Variants in APBB2 observed in about 807,000 individuals in gnomAD.
The protein encoded by APBB2 is amyloid beta precursor protein binding family B member 2, also known as Fe65-like 1.
Under a neutral mutation model 82.5 loss-of-function variants are expected in APBB2, and 38 were observed. The observed-to-expected ratio is 0.46, with a 90% CI of 0.36 to 0.60. The LOEUF (loss-of-function observed/expected upper bound fraction) is 0.60, where lower values mean the gene tolerates loss of function less well. Among genes scored for constraint, APBB2 ranks in the 20% least tolerant of loss-of-function variants. The probability of loss-of-function intolerance (pLI) is 0.00; values close to 1 mark genes in which losing one functional copy is unlikely to be tolerated. For synonymous variants in APBB2, 341 were observed against 368.2 expected (o/e 0.93, Z 0.85); for missense variants, 772 against 972.3 (o/e 0.79, Z 2.74).
intron 5 of APBB2, 125 bp downstream of exon 5, chr4:41,033,111 A>G: frequency 1.3e-6 from 1 of 759,088 alleles, no homozygotes; most frequent in Non-Finnish European, 2.2e-6. Flanking sequence ...ACATTAGTGA[A>G]GAACAATGAA....
intron 3 of APBB2, among the ~76,000 whole-genome samples, chr4:41,081,015 G>T (rs1459938524): frequency 6.6e-6 from 1 of 152,188 alleles, no homozygotes; most frequent in East Asian, 1.9e-4. Flanking sequence ...GCCTGTAAAT[G>T]CTACTTCAAA....
intron 12 of APBB2, among the ~76,000 whole-genome samples, chr4:40,847,400 T>G (rs1757987356): frequency 6.6e-6 from 1 of 152,186 alleles, no homozygotes; most frequent in Non-Finnish European, 1.5e-5. Flanking sequence ...AGGTGGAGGT[T>G]GCAGTGAGCT....
At chr4:41,142,791 G>A (rs1400594556) in intron 2 of APBB2, among the ~76,000 whole-genome samples, 196 bp downstream of exon 2, 2 of 152,108 alleles carry the variant, frequency 1.3e-5, no homozygotes, top group African/African-American at 4.8e-5. Flanking sequence ...AAAAGGAAGA[G>A]AAGGAAAGGA....
In APBB2 at chr4:40,934,535, A is replaced by G. The variant is rs1784938490; in HGVS notation, c.1194-19T>C. The G allele has an allele frequency of 2.6e-5, 42 of 1,614,048 alleles. No individual in the cohort carries two copies. The highest frequency in any genetic ancestry group is 3.6e-5 in the Non-Finnish European group (42 of 1,179,892). ...GGCATTTCTAGGCAGAAAAACAGAA[A>G]AGTGGACTTAGAATTCTATTGCAAA... On this transcript the variant is annotated intron_variant, in intron 9 of 17. Coordinates refer to ENST00000508593, the MANE Select transcript of APBB2 (RefSeq NM_004307.2).
At chr4:40,917,306 T>C (rs1410467880) in intron 10 of APBB2, among the ~76,000 whole-genome samples, 3 of 152,074 alleles carry the variant, frequency 2.0e-5, no homozygotes, top group African/African-American at 2.4e-5. Context: ...AGATTTCTTG[T>C]CTTCAGCTTG....
At chr4:41,030,864 AGAAGGCACTCCTGAGCTGAATCGT>A (rs368127948) in intron 5 of APBB2, among the ~76,000 whole-genome samples, 6,930 of 152,228 alleles carry the variant, frequency 0.046, 328 homozygotes, top group African/African-American at 0.12. Context: ...AGGCCTGCTC[AGAAGGCACTCCTGAGCTGAATCGT>A]GAAGGGCCAA....
intron 12 of APBB2, among the ~76,000 whole-genome samples, chr4:40,850,560 T>TC (rs1003336296): frequency 6.6e-6 from 1 of 151,960 alleles, no homozygotes; most frequent in Non-Finnish European, 1.5e-5. Flanking sequence ...CAAATTATGA[T>TC]CCCCCCAAAT....
At chr4:41,054,762 A>C (rs1727243423) in intron 4 of APBB2, among the ~76,000 whole-genome samples, 1 of 152,096 alleles carries the variant, frequency 6.6e-6, no homozygotes, top group African/African-American at 2.4e-5. Flanking sequence ...CTCTGATCAC[A>C]ACTTGACCAC....
At chr4:41,001,324 T>G (rs187306939) in intron 6 of APBB2, among the ~76,000 whole-genome samples, 33 of 152,286 alleles carry the variant, frequency 2.2e-4, no homozygotes, top group African/African-American at 7.9e-4. Flanking sequence ...AACCATCACA[T>G]ACACCATCAT....
chr4:40,905,096 A>G (rs1324199138), intron 10 of APBB2, among the ~76,000 whole-genome samples: 1 of 152,176 alleles, frequency 6.6e-6, no homozygotes, highest in Non-Finnish European at 1.5e-5. Flanking sequence ...GCCCTTCTAC[A>G]AAGAGGACGG....
chr4:41,078,795 G>T (rs957822379), intron 3 of APBB2, among the ~76,000 whole-genome samples: 8 of 152,148 alleles, frequency 5.3e-5, no homozygotes, highest in Non-Finnish European at 1.2e-4. Context: ...CCTTATGTCG[G>T]GAGAAGGACT....
intron 10 of APBB2, among the ~76,000 whole-genome samples, chr4:40,906,306 A>T (rs2154359813): frequency 6.6e-6 from 1 of 151,746 alleles, no homozygotes; most frequent in Admixed American, 6.6e-5. Context: ...AAATTTAAAA[A>T]TTAGCTGGGC....
Position 40,924,007 on chromosome 4 carries a change from T to C in APBB2, c.1254+10449A>G, listed in dbSNP as rs186526136. 1.8e-4 allele frequency among the ~76,000 whole-genome samples: 27 copies of C among 152,326 alleles called. No homozygotes were observed. The East Asian group carries it at 3.9e-3, about 22-fold the overall frequency. Reference sequence around the variant, plus strand: ...AATGAGCAGCCAAGGCCAATGGCAGTGAGTGTCTGCACCACTCAACGGAAA... The same window carrying C: ...AATGAGCAGCCAAGGCCAATGGCAGCGAGTGTCTGCACCACTCAACGGAAA... On this transcript the variant is annotated intron_variant, in intron 10 of 17. Transcript: ENST00000508593.
chr4:41,142,270 T>C (rs999237890), intron 2 of APBB2, among the ~76,000 whole-genome samples: 3 of 152,346 alleles, frequency 2.0e-5, no homozygotes, highest in Admixed American at 6.5e-5. Flanking sequence ...ATATATGTTT[T>C]CAAAATGAAT....
intron 12 of APBB2, among the ~76,000 whole-genome samples, chr4:40,866,336 C>T (rs148935975): frequency 6.6e-6 from 1 of 151,738 alleles, no homozygotes; most frequent in Admixed American, 6.6e-5. Context: ...TTGGTGGTCA[C>T]GAAACTCCAT....
intron 6 of APBB2, among the ~76,000 whole-genome samples, chr4:40,964,704 T>C (rs991639372): frequency 7.1e-6 from 1 of 141,242 alleles, no homozygotes; most frequent in African/African-American, 2.6e-5. Flanking sequence ...ACATAGCCTA[T>C]GGATACATCT....
At chr4:40,924,163 T>C (rs901666434) in intron 10 of APBB2, among the ~76,000 whole-genome samples, 1 of 152,206 alleles carries the variant, frequency 6.6e-6, no homozygotes, top group African/African-American at 2.4e-5. Context: ...TGATCCTTAT[T>C]TTCCCCTTGT....
chr4:41,030,901 G>A (rs760776709), intron 5 of APBB2, among the ~76,000 whole-genome samples: 36 of 152,076 alleles, frequency 2.4e-4, no homozygotes, highest in Non-Finnish European at 4.7e-4. Context: ...AGGGCCAATA[G>A]GAGTTTCAGA....
intron 10 of APBB2, among the ~76,000 whole-genome samples, chr4:40,914,646 T>G (rs1180121638): frequency 1.3e-5 from 2 of 152,212 alleles, no homozygotes; most frequent in Non-Finnish European, 2.9e-5. Flanking sequence ...GATCAGGTGA[T>G]GAAAATGTTG....
Sources: gnomAD v4.1 joint callset for allele counts (sites outside exome capture counted in the v4.1 genomes callset) on GRCh38, gnomAD v4.1.1 for gene constraint, MANE v1.5 for transcripts, NCBI Gene and HGNC (gene_info 2026-07-23, HGNC 2026-07-21) for gene names.